The following ADAMTS17 variants were observed in gnomAD, a reference collection of about 807,000 sequenced individuals.
ADAMTS17 encodes ADAM metallopeptidase with thrombospondin type 1 motif 17, also known as A disintegrin and metalloproteinase with thrombospondin motifs 17.
Under a neutral mutation model 141.5 loss-of-function variants are expected in ADAMTS17, and 113 were observed. That is an observed-to-expected ratio of 0.80 (90% confidence interval 0.69 to 0.93). The LOEUF is 0.93. Ranked by LOEUF, ADAMTS17 falls within the 40% of genes least tolerant of loss-of-function variation. ADAMTS17 has a pLI of 0.00. For synonymous variants in ADAMTS17, 768 were observed against 630.6 expected, an observed-to-expected ratio of 1.22 and a Z score of -3.27; for missense variants, 1,659 against 1,517.9, an observed-to-expected ratio of 1.09 and a Z score of -1.54.
intron 12 of ADAMTS17, among the ~76,000 whole-genome samples, chr15:100,124,639 C>T (rs1274780202): frequency 1.3e-5 from 2 of 152,232 alleles, no homozygotes; most frequent in Non-Finnish European, 2.9e-5. Context: ...CCTGCACGTG[C>T]GCCCCAACAC....
At chr15:100,004,981 C>T (rs1033568337) in intron 18 of ADAMTS17, among the ~76,000 whole-genome samples, 1 of 152,262 alleles carries the variant, frequency 6.6e-6, no homozygotes, top group Middle Eastern at 3.4e-3. Flanking sequence ...GTCTTGAACT[C>T]CTGGCATCAA....
In ADAMTS17 at chr15:100,292,178, C is replaced by G. The variant is rs1157363507; in HGVS notation, c.617-10777G>C. ...GCTCACCCCGTGGGAAACTACGAGA[C>G]ACGCTCACCCCGTGGGGAATCACGA... On this transcript the variant is annotated intron_variant, in intron 3 of 21. Coordinates refer to ENST00000268070, the MANE Select transcript of ADAMTS17 (RefSeq NM_139057.4). Among the ~76,000 whole-genome samples the G allele has an allele frequency of 3.2e-3, 311 of 97,496 alleles. 3 individuals carry two copies. Among genetic ancestry groups the G allele is most frequent in the East Asian group, 9.5e-3 (27 of 2,832 alleles). 64.0% of individuals were successfully genotyped at this position (97,496 alleles called of 152,430 possible). A position where few individuals can be genotyped will look rare whatever the true frequency, so the allele number is the denominator to read the frequency against.
chr15:100,109,237 G>A, intron 13 of ADAMTS17, 121 bp from the exon 14 acceptor site: 4 of 926,752 alleles, frequency 4.3e-6, no homozygotes, highest in South Asian at 1.6e-5. Context: ...GTCAGTAAAG[G>A]TGCATGAGCT....
chr15:100,237,381 G>A (rs1221512101), intron 7 of ADAMTS17, among the ~76,000 whole-genome samples: 2 of 152,124 alleles, frequency 1.3e-5, no homozygotes, highest in Non-Finnish European at 2.9e-5. Flanking sequence ...TCACCCCTGG[G>A]AAGCCTCAGC....
rs534411606 is a variant in ADAMTS17 at position 100,026,704 on chromosome 15, T to C, written c.2591+22153A>G. Among the ~76,000 whole-genome samples, 267 of 152,364 alleles carry C rather than the reference T, an allele frequency of 1.8e-3. 1 individual carries two copies. Among genetic ancestry groups the C allele is most frequent in the African/African-American group, 4.8e-3 (198 of 41,592 alleles). ...TGCTGCCCGAGGCACAGGCATGGCT[T>C]CTGTTTTTAAGTCCCTATTAAATGT... On this transcript the variant is annotated intron_variant, in intron 18 of 21. Coordinates refer to ENST00000268070, the MANE Select transcript of ADAMTS17 (RefSeq NM_139057.4).
At position 100,188,677 on chromosome 15, in the gene ADAMTS17, C is replaced by T. The variant is rs915830331; in HGVS notation, c.1181+10641G>A. 2.0e-5 allele frequency among the ~76,000 whole-genome samples: 3 copies of T among 152,272 alleles called. 1 individual carries two copies. Among genetic ancestry groups the T allele is most frequent in the South Asian group, 4.1e-4 (2 of 4,820 alleles). ...CTGGACTAGAGTGAGGTCTCTTTGA[C>T]AGGTAGGATCAGTGGTGGCTGTACC... is the stretch of plus-strand genomic sequence containing the variant. On this transcript the variant is annotated intron_variant, in intron 8 of 21. Coordinates refer to ENST00000268070, the MANE Select transcript of ADAMTS17 (RefSeq NM_139057.4).
chr15:99,981,534 T>G (rs1473537715), intron 20 of ADAMTS17, among the ~76,000 whole-genome samples: 1 of 152,244 alleles, frequency 6.6e-6, no homozygotes, highest in East Asian at 1.9e-4. Flanking sequence ...TTTGAGAATT[T>G]TGGGGTGTTT....
At position 100,301,596 on chromosome 15, in the gene ADAMTS17, G is replaced by A. The variant is rs141187462; in HGVS notation, c.617-20195C>T. ...GTGATCCACCTCAGCCTCCCAAAGC[G>A]CTGGGATTACAGGCGTGAGTCACCA... On this transcript the variant is annotated intron_variant, in intron 3 of 21. Coordinates refer to ENST00000268070, the MANE Select transcript of ADAMTS17 (RefSeq NM_139057.4). Among the ~76,000 whole-genome samples, 349 of 151,484 alleles carry A rather than the reference G, an allele frequency of 2.3e-3. 1 individual carries two copies. Among genetic ancestry groups the A allele is most frequent in the African/African-American group, 7.9e-3 (327 of 41,238 alleles).
intron 7 of ADAMTS17, among the ~76,000 whole-genome samples, chr15:100,217,165 C>T (rs959514820): frequency 1.3e-5 from 2 of 152,104 alleles, no homozygotes; most frequent in Non-Finnish European, 2.9e-5. Flanking sequence ...CTGTGTTTCC[C>T]ACCAAAATGT....
At chr15:100,143,957 C>T (rs2038778965) in intron 10 of ADAMTS17, among the ~76,000 whole-genome samples, 1 of 152,140 alleles carries the variant, frequency 6.6e-6, no homozygotes, top group Admixed American at 6.5e-5. Context: ...AAAGAAGGTC[C>T]ACATTTAAAA....
intron 15 of ADAMTS17, among the ~76,000 whole-genome samples, chr15:100,072,601 T>G (rs1234794295): frequency 6.6e-6 from 1 of 152,182 alleles, no homozygotes; most frequent in Non-Finnish European, 1.5e-5. Context: ...GAAATAATAC[T>G]GCACATCTAC....
At chr15:100,195,574 G>T (rs1227397678) in intron 8 of ADAMTS17, among the ~76,000 whole-genome samples, 1 of 124,714 alleles carries the variant, frequency 8.0e-6, no homozygotes, top group African/African-American at 3.1e-5. Context: ...AATAGTCTCA[G>T]ACTTACATTA....
intron 4 of ADAMTS17, among the ~76,000 whole-genome samples, chr15:100,270,677 G>C (rs2043875157): frequency 6.6e-6 from 1 of 151,242 alleles, no homozygotes; most frequent in Non-Finnish European, 1.5e-5. Context: ...TGTAGACATA[G>C]GCCTACCTTG....
intron 7 of ADAMTS17, among the ~76,000 whole-genome samples, chr15:100,205,942 G>C (rs2041535264): frequency 1.3e-5 from 2 of 152,190 alleles, no homozygotes; most frequent in South Asian, 4.1e-4. Flanking sequence ...GGGCAAACAA[G>C]TGGAGACTGG....
chr15:99,994,161 T>C (rs906287865), intron 19 of ADAMTS17, among the ~76,000 whole-genome samples: 4 of 152,160 alleles, frequency 2.6e-5, no homozygotes, highest in Non-Finnish European at 4.4e-5. Flanking sequence ...CACAAACAAG[T>C]TGGCCCTGGG....
At chr15:100,275,396 G>A (rs992918722) in intron 4 of ADAMTS17, among the ~76,000 whole-genome samples, 2 of 152,194 alleles carry the variant, frequency 1.3e-5, no homozygotes, top group Non-Finnish European at 2.9e-5. Flanking sequence ...GCAGGAAGAG[G>A]ATCTTGCTGG....
At chr15:100,009,234 G>T (rs1197190279) in intron 18 of ADAMTS17, among the ~76,000 whole-genome samples, 2 of 152,190 alleles carry the variant, frequency 1.3e-5, no homozygotes, top group Admixed American at 6.5e-5. Flanking sequence ...TTTACAGAGG[G>T]AGAAAACAAC....
chr15:100,108,936 G>A, intron 14 of ADAMTS17, 53 bp downstream of exon 14: 1 of 1,610,886 alleles, frequency 6.2e-7, no homozygotes, highest in Non-Finnish European at 8.5e-7. Flanking sequence ...TGTCTGGGGA[G>A]AGTGAGTCTC....
At chr15:100,240,023 A>G (rs1223099300) in intron 7 of ADAMTS17, among the ~76,000 whole-genome samples, 2 of 152,114 alleles carry the variant, frequency 1.3e-5, no homozygotes, top group African/African-American at 4.8e-5. Context: ...CCCAACCCCA[A>G]CAATCCAGGC....
Sources: allele counts gnomAD v4.1 joint callset (sites outside exome capture counted in the v4.1 genomes callset), GRCh38; gene constraint gnomAD v4.1.1; transcripts MANE v1.5; gene names NCBI Gene and HGNC (gene_info 2026-07-23, HGNC 2026-07-21).